CDC42BPB: variants seen among roughly 807,000 people sequenced by gnomAD.
The protein encoded by CDC42BPB is CDC42 binding protein kinase beta, also known as serine/threonine-protein kinase MRCK beta.
CDC42BPB carries 37 observed loss-of-function variants against 214.9 expected under a neutral mutation model. The ratio of observed to expected loss-of-function variants is 0.17; its 90% CI spans 0.13 to 0.23. CDC42BPB has a LOEUF of 0.23. Among genes scored for constraint, CDC42BPB ranks in the 10% least tolerant of loss-of-function variants. CDC42BPB has a pLI of 1.00. For missense variants in CDC42BPB, 1,694 were observed against 2,227.0 expected, an observed-to-expected ratio of 0.76 and a Z score of 4.82; for synonymous variants, 931 against 884.0, an observed-to-expected ratio of 1.05 and a Z score of -0.94.
At chr14:102,957,072 G>A (rs1892742761) in intron 21 of CDC42BPB, among the ~76,000 whole-genome samples, 1 of 148,822 alleles carries the variant, frequency 6.7e-6, no homozygotes, top group Non-Finnish European at 1.5e-5. Context: ...ATAGTGGCGC[G>A]TGCCTGTAGT....
chr14:102,950,410 T>C (rs558332322), intron 25 of CDC42BPB, 56 bp downstream of exon 25: 1 of 1,599,818 alleles, frequency 6.3e-7, no homozygotes, highest in African/African-American at 1.3e-5. Flanking sequence ...GGCATGGCTA[T>C]TGGTCACTGC....
At chr14:102,936,217 T>C (rs963990326) in intron 36 of CDC42BPB, among the ~76,000 whole-genome samples, 1 of 152,096 alleles carries the variant, frequency 6.6e-6, no homozygotes, top group South Asian at 2.1e-4. Flanking sequence ...AACATAGAAT[T>C]ACCACATAAA....
intron 24 of CDC42BPB, among the ~76,000 whole-genome samples, chr14:102,951,485 A>C (rs1002622823): frequency 1.3e-5 from 2 of 152,142 alleles, no homozygotes; most frequent in African/African-American, 4.8e-5. Context: ...AGAGCACAAG[A>C]TATAGCCTTA....
At chr14:102,973,480 A>C (rs1173853666) in intron 12 of CDC42BPB, among the ~76,000 whole-genome samples, 2 of 152,262 alleles carry the variant, frequency 1.3e-5, no homozygotes, top group African/African-American at 4.8e-5. Context: ...GAAATCACCC[A>C]GATTTTAACA....
chr14:102,966,150 T>C (rs151118821), intron 18 of CDC42BPB, 132 bp downstream of exon 18: 5 of 612,422 alleles, frequency 8.2e-6, no homozygotes, highest in African/African-American at 7.5e-5. Flanking sequence ...GTTCCTTAAA[T>C]TGGGGAACTG....
At chr14:102,959,319 A>G (rs1393693093) in intron 21 of CDC42BPB, among the ~76,000 whole-genome samples, 1 of 150,848 alleles carries the variant, frequency 6.6e-6, no homozygotes, top group Non-Finnish European at 1.5e-5. Context: ...AAAAATACTC[A>G]CTACACAGCT....
Position 103,003,920 on chromosome 14 carries a change from C to A in CDC42BPB, c.447+8G>T. The A allele has an allele frequency of 3.1e-6, 5 of 1,601,216 alleles. No individual in the cohort carries two copies. Among genetic ancestry groups the A allele is most frequent in the Non-Finnish European group, 4.3e-6 (5 of 1,170,330 alleles). On this transcript the variant is annotated splice_region_variant and intron_variant, in intron 4 of 36. Coordinates refer to ENST00000361246, the MANE Select transcript of CDC42BPB (RefSeq NM_006035.4). ...TGCCCTGACCGAGTCTCTGGCTGTG[C>A]GACCTACCAGGTGGTTCTCGTCCTG...
At chr14:102,974,328 A>G (rs1379211296) in intron 11 of CDC42BPB, 179 bp from the exon 12 acceptor site, 2 of 980,750 alleles carry the variant, frequency 2.0e-6, no homozygotes, top group Admixed American at 1.3e-4. Context: ...ACAGTGTCAT[A>G]GGCACAGCTA....
At chr14:103,008,673 G>A (rs990801280) in intron 2 of CDC42BPB, 118 bp from the exon 3 acceptor site, 107 of 1,474,756 alleles carry the variant, frequency 7.3e-5, no homozygotes, top group African/African-American at 8.4e-5. Flanking sequence ...AGCAGTGACC[G>A]AAAGCCAAGT....
intron 30 of CDC42BPB, chr14:102,941,278 C>T (rs945832554): frequency 1.0e-6 from 1 of 985,458 alleles, no homozygotes; most frequent in Non-Finnish European, 1.2e-6. Context: ...TCTTCTGCCT[C>T]CGGAGTTCAA....
intron 12 of CDC42BPB, among the ~76,000 whole-genome samples, chr14:102,973,462 T>C (rs1893577210): frequency 6.6e-6 from 1 of 152,180 alleles, no homozygotes; most frequent in East Asian, 1.9e-4. Flanking sequence ...ATAAACGAAT[T>C]ATGGGGGGAA....
At chr14:102,965,822 G>A (rs572326277) in intron 18 of CDC42BPB, among the ~76,000 whole-genome samples, 7 of 152,228 alleles carry the variant, frequency 4.6e-5, no homozygotes, top group African/African-American at 1.4e-4. Flanking sequence ...CAGGTGTAGC[G>A]GCACACGCCT....
intron 17 of CDC42BPB, 73 bp downstream of exon 17, chr14:102,966,973 A>G: frequency 6.5e-7 from 1 of 1,544,722 alleles, no homozygotes; most frequent in Non-Finnish European, 8.8e-7. Context: ...AGGATCAGGC[A>G]GAAGAGGCGG....
At chr14:103,008,437 C>T in intron 3 of CDC42BPB, 35 bp downstream of exon 3, 1 of 1,347,114 alleles carries the variant, frequency 7.4e-7, no homozygotes, top group Non-Finnish European at 1.1e-6. Context: ...TCACCCCAAG[C>T]CCCATTTGTA....
Position 103,012,121 on chromosome 14 carries a change from T to G in CDC42BPB, c.243A>C (p.Val81=). The change falls in exon 2 of 37, where the codon GTA becomes GTC. Residue 81 remains valine, a synonymous_variant. Coordinates refer to ENST00000361246, the MANE Select transcript of CDC42BPB (RefSeq NM_006035.4). The stretch of plus-strand genomic sequence containing the variant: ...CCTCACCAAAAGCACCTCTTCCAAT[T>G]ACTTTAATTATTTCAAAGTCTTCTC... ...LHREDFEIIK[V]IGRGAFGEVA... is the part of the protein sequence containing the mutation. The G allele has an allele frequency of 6.2e-7, 1 of 1,613,086 alleles. No individual in the cohort carries two copies. The highest frequency in any genetic ancestry group is 8.5e-7 in the Non-Finnish European group (1 of 1,179,092).
chr14:102,962,706 CA>C (rs1478696763), intron 20 of CDC42BPB, among the ~76,000 whole-genome samples: 1 of 152,032 alleles, frequency 6.6e-6, no homozygotes, highest in Non-Finnish European at 1.5e-5. Flanking sequence ...AAAAATTAGC[CA>C]GGGGTGGTGG....
Position 103,052,255 on chromosome 14 carries a change from G to T in CDC42BPB, c.175+4744C>A, listed in dbSNP as rs553493674. Among the ~76,000 whole-genome samples the T allele has an allele frequency of 3.3e-5, 5 of 152,230 alleles. No individual in the cohort carries two copies. The South Asian group carries it at 8.3e-4, about 25-fold the overall frequency. On this transcript the variant is annotated intron_variant, in intron 1 of 36. Transcript: ENST00000361246. ...ATAGAATCTACATGATCTAAATTAG[G>T]TTAAACTAATTTTTATCATGCAATC...
chr14:102,934,816 C>G (rs967922446), intron 36 of CDC42BPB, among the ~76,000 whole-genome samples: 4 of 151,730 alleles, frequency 2.6e-5, no homozygotes, highest in African/African-American at 7.3e-5. Context: ...TTGAGACCAT[C>G]CTAACACAGT....
rs372511177 is a variant in CDC42BPB at position 102,946,693 on chromosome 14, C to T, written c.3532-9G>A. On this transcript the variant is annotated splice_polypyrimidine_tract_variant and intron_variant, in intron 27 of 36. Transcript: ENST00000361246. ...AAGAGAGAGGCCGTCACCTTCATGA[C>T]AGGAAACAGAAGAGAAGAGAGAAGT... 3 of 1,612,306 alleles carry T rather than the reference C, an allele frequency of 1.9e-6. No individual in the cohort carries two copies. The highest frequency in any genetic ancestry group is 1.3e-5 in the African/African-American group (1 of 74,894).
Sources: allele counts gnomAD v4.1 joint callset (sites outside exome capture counted in the v4.1 genomes callset), GRCh38; gene constraint gnomAD v4.1.1; transcripts MANE v1.5; gene names NCBI Gene and HGNC (gene_info 2026-07-23, HGNC 2026-07-21).